DOCK5: variants seen among roughly 807,000 people sequenced by gnomAD.
DOCK5 encodes dedicator of cytokinesis 5.
Under a neutral mutation model 251.8 loss-of-function variants are expected in DOCK5, and 142 were observed. The observed-to-expected ratio is 0.56, with a 90% CI of 0.49 to 0.65. The LOEUF (loss-of-function observed/expected upper bound fraction) is 0.65. Among genes scored for constraint, DOCK5 ranks in the 30% least tolerant of loss-of-function variants. DOCK5 has a pLI of 0.00. For missense variants in DOCK5, 2,111 were observed against 2,312.3 expected, an observed-to-expected ratio of 0.91 and a Z score of 1.79; for synonymous variants, 842 against 835.5, an observed-to-expected ratio of 1.01 and a Z score of -0.13.
rs548368755 is a variant in DOCK5 at position 25,202,048 on chromosome 8, G to T, written c.43+17097G>T. On this transcript the variant is annotated intron_variant, in intron 1 of 51. Coordinates refer to ENST00000276440, the MANE Select transcript of DOCK5 (RefSeq NM_024940.8). ...TTTCTTCTCTTTGAGACAGAGTCTC[G>T]CTCTGTCACCCAGGCTGGAGCGCAG... Among the ~76,000 whole-genome samples the T allele has an allele frequency of 2.0e-5, 3 of 151,852 alleles. 1 individual carries two copies.
At chr8:25,366,748 T>C in intron 30 of DOCK5, 122 bp from the exon 31 acceptor site, 9 of 641,400 alleles carry the variant, frequency 1.4e-5, no homozygotes, top group South Asian at 1.2e-4. Context: ...AGAATGTAGA[T>C]TGTATTTTGT....
At chr8:25,261,845 A>G (rs1021040418) in intron 2 of DOCK5, among the ~76,000 whole-genome samples, 2 of 152,192 alleles carry the variant, frequency 1.3e-5, no homozygotes, top group Non-Finnish European at 1.5e-5. Context: ...ACTTCATATC[A>G]GTGGAATTAG....
chr8:25,207,467 G>A (rs920687483), intron 1 of DOCK5, among the ~76,000 whole-genome samples: 9 of 152,190 alleles, frequency 5.9e-5, no homozygotes, highest in African/African-American at 1.9e-4. Context: ...CTCTTGTTAG[G>A]GGCTAATGCA....
intron 27 of DOCK5, among the ~76,000 whole-genome samples, chr8:25,354,822 A>G (rs1003694728): frequency 5.3e-5 from 8 of 152,254 alleles, no homozygotes; most frequent in African/African-American, 1.7e-4. Flanking sequence ...TTTTCTTCAT[A>G]GATGCCAAAA....
intron 40 of DOCK5, among the ~76,000 whole-genome samples, chr8:25,383,169 T>C (rs1042018706): frequency 3.3e-5 from 5 of 152,210 alleles, no homozygotes; most frequent in Non-Finnish European, 7.3e-5. Context: ...AAATAAAACA[T>C]TTTATTATAA....
chr8:25,403,572 G>A lies in DOCK5; in HGVS notation c.4941G>A (p.Thr1647=), dbSNP rs756235134. The A allele has an allele frequency of 2.0e-5, 32 of 1,613,672 alleles. No homozygotes were observed. The highest frequency in any genetic ancestry group is 1.6e-4 in the Middle Eastern group (1 of 6,082). Residue 1647 remains threonine (T), a synonymous_variant, in exon 48 of 52, where the codon ACG becomes ACA. Transcript: ENST00000276440. ...YGVITLPPNL[T]ERKQSRTGSI... is the part of the protein sequence containing the mutation. ...TATGTTTTCAGCCACCCAACTTGAC[G>A]GAGAGGAAGCAAAGCCGCACGGGGT...
chr8:25,249,875 T>C (rs1446983523), intron 2 of DOCK5, among the ~76,000 whole-genome samples: 1 of 152,230 alleles, frequency 6.6e-6, no homozygotes, highest in Non-Finnish European at 1.5e-5. Context: ...GTGTTGGGAT[T>C]ATAGGCATGA....
At chr8:25,208,076 C>T (rs767758953) in intron 1 of DOCK5, among the ~76,000 whole-genome samples, 1 of 152,160 alleles carries the variant, frequency 6.6e-6, no homozygotes, top group Non-Finnish European at 1.5e-5. Context: ...GATGTCCCTG[C>T]AGATGTTGTG....
intron 37 of DOCK5, chr8:25,376,540 C>A: frequency 3.9e-6 from 1 of 259,740 alleles, no homozygotes. Flanking sequence ...TCTTCTTTTT[C>A]AGAGTTTTCC....
At position 25,411,442 on chromosome 8, in the gene DOCK5, A is replaced by G. The variant is rs1801630960; in HGVS notation, c.*144A>G. The G allele has an allele frequency of 8.6e-7, 1 of 1,162,526 alleles. No homozygotes were observed. The highest frequency in any genetic ancestry group is 1.1e-6 in the Non-Finnish European group (1 of 905,240). The allele number at this position is 1,162,526 out of a possible 1,614,324, so 72.0% of individuals were successfully genotyped here. On this transcript the variant is annotated 3_prime_UTR_variant, in exon 52 of 52. Coordinates refer to ENST00000276440, the MANE Select transcript of DOCK5 (RefSeq NM_024940.8). The stretch of plus-strand genomic sequence containing the variant: ...GATGTTTACCAGCCCAAAACCAGTC[A>G]TGTTCTTCCAAAAGCTTCTCTTTGA...
rs1426812661 is a variant in DOCK5, at chr8:25,325,512, C to T, written c.1868C>T (p.Ala623Val). 6.2e-7 allele frequency: 1 copy of T among 1,613,752 alleles called. No homozygotes were observed. Among genetic ancestry groups the T allele is most frequent in the Non-Finnish European group, 8.5e-7 (1 of 1,179,722 alleles). Reference sequence around the variant, plus strand: ...AGCACTAAAGACAGCTTTCAGATTGCCACCCTCATCTGCTCCACAAAGCTC... The same window carrying T: ...AGCACTAAAGACAGCTTTCAGATTGTCACCCTCATCTGCTCCACAAAGCTC... The part of the protein sequence containing the change: ...KDSTKDSFQI[A>V]TLICSTKLTQ... The change falls in exon 18 of 52, where the codon GCC becomes GTC. Residue 623 changes from alanine to valine, a missense_variant. This residue lies in a region of DOCK5 where 1,717 missense variants were observed against 1,892.4 expected (regional missense o/e 0.91). Transcript: ENST00000276440.
chr8:25,279,431 T>C (rs2666159), intron 5 of DOCK5, among the ~76,000 whole-genome samples: 150,903 of 152,148 alleles, frequency 0.99, 74,846 homozygotes, highest in Middle Eastern at 1. Context: ...TGGCAGCAAG[T>C]CTGCCTCATC....
chr8:25,395,419 C>T, intron 44 of DOCK5, 124 bp from the exon 45 acceptor site: 1 of 1,100,084 alleles, frequency 9.1e-7, no homozygotes, highest in Non-Finnish European at 1.3e-6. Flanking sequence ...CCTTGATTAG[C>T]AAATCTTCCC....
intron 22 of DOCK5, among the ~76,000 whole-genome samples, chr8:25,340,306 G>A (rs1379619303): frequency 2.0e-5 from 3 of 152,216 alleles, no homozygotes; most frequent in African/African-American, 7.2e-5. Flanking sequence ...AGGTATAGGT[G>A]AATGGAGGAG....
In DOCK5 at chr8:25,293,893, A is replaced by G. The variant is rs566686856; in HGVS notation, c.470+1721A>G. On this transcript the variant is annotated intron_variant, in intron 6 of 51. Transcript: ENST00000276440. ...GTGGCATATGCCTGTAATCCCAGCT[A>G]CTTGGGAGGCTGAGGCACAAGAATC... Among the ~76,000 whole-genome samples the G allele has an allele frequency of 5.3e-5, 8 of 152,346 alleles. No homozygotes were observed. In the South Asian group the frequency reaches 1.0e-3, roughly 20 times the overall value.
chr8:25,391,992 C>A lies in DOCK5; in HGVS notation c.4440+12C>A, dbSNP rs761394805. On this transcript the variant is annotated intron_variant, in intron 43 of 51. Transcript: ENST00000276440. ...ACAATGAATTTGCTGTGAGTTCACC[C>A]CTTTTGTCCTTTAAGAGGTAAAATT... The A allele has an allele frequency of 6.2e-7, 1 of 1,612,392 alleles. No homozygotes were observed. Among genetic ancestry groups the A allele is most frequent in the Non-Finnish European group, 8.5e-7 (1 of 1,179,014 alleles).
intron 1 of DOCK5, among the ~76,000 whole-genome samples, chr8:25,216,141 C>CAATATGTATATATGTATACAATAT (rs1459963275): frequency 6.7e-6 from 1 of 149,326 alleles, no homozygotes; most frequent in African/African-American, 2.5e-5. Context: ...TATGTCTATA[C>CAATATGTATATATGTATACAATAT]GTGTATACAA....
At position 25,278,599 on chromosome 8, in the gene DOCK5, C is replaced by G. The variant is rs1804107765; in HGVS notation, c.255C>G (p.Leu85=). 1.2e-6 allele frequency: 2 copies of G among 1,613,788 alleles called. No homozygotes were observed. Among genetic ancestry groups the G allele is most frequent in the Admixed American group, 1.7e-5 (1 of 60,002 alleles). Residue 85 remains leucine, a synonymous_variant, in exon 5 of 52, where the codon CTC becomes CTG. Coordinates refer to ENST00000276440, the MANE Select transcript of DOCK5 (RefSeq NM_024940.8). ...GQHETVIPGE[L]PLVQELTSTL... ...ATGAAACCGTGATTCCTGGCGAGCT[C>G]CCCCTGGTGCAGGAGCTCACGTCCA...
chr8:25,184,892 G>C lies in DOCK5; in HGVS notation c.-17G>C, dbSNP rs1801390217. On this transcript the variant is annotated 5_prime_UTR_variant, in exon 1 of 52. Coordinates refer to ENST00000276440, the MANE Select transcript of DOCK5 (RefSeq NM_024940.8). Reference sequence around the variant, plus strand: ...TAGCAGCCTTAGTCGCCGCCGCCGCGGGGCGAGGTCGCCGCCATGGCCCGC... The same window carrying C: ...TAGCAGCCTTAGTCGCCGCCGCCGCCGGGCGAGGTCGCCGCCATGGCCCGC... 2.9e-6 allele frequency: 4 copies of C among 1,391,394 alleles called. No individual in the cohort carries two copies. The highest frequency in any genetic ancestry group is 3.4e-5 in the South Asian group (2 of 58,036). The allele number at this position is 1,391,394 out of a possible 1,614,324, so 86.2% of individuals were successfully genotyped here.
Sources: gnomAD v4.1 joint callset for allele counts (sites outside exome capture counted in the v4.1 genomes callset) on GRCh38, gnomAD v4.1.1 for gene constraint, gnomAD v4.1.1 regional missense constraint, MANE v1.5 for transcripts, NCBI Gene and HGNC (gene_info 2026-07-23, HGNC 2026-07-21) for gene names.